The following TMEM9 variants were observed in gnomAD, a reference collection of about 807,000 sequenced individuals.
TMEM9 encodes the protein proton-transporting V-type ATPase complex assembly regulator TMEM9.
In TMEM9, 13 loss-of-function variants were observed where a neutral mutation model predicts 22.8. That is an observed-to-expected ratio of 0.57 (90% confidence interval 0.37 to 0.91). TMEM9 has a LOEUF of 0.91. TMEM9 is among the 40% of genes least tolerant of loss of function. The probability of loss-of-function intolerance (pLI) is 0.01; values close to 1 mark genes in which losing one functional copy is unlikely to be tolerated. For synonymous variants in TMEM9, 88 were observed against 93.0 expected, an observed-to-expected ratio of 0.95 and a Z score of 0.31; for missense variants, 182 against 238.1, an observed-to-expected ratio of 0.76 and a Z score of 1.55.
At chr1:201,171,170 T>C (rs1164372604) in intron 1 of TMEM9, among the ~76,000 whole-genome samples, 1 of 152,042 alleles carries the variant, frequency 6.6e-6, no homozygotes, top group Non-Finnish European at 1.5e-5. Context: ...CCTGGAAGGA[T>C]TGCGGGGGGC....
chr1:201,148,431 G>C (rs1380537090), intron 2 of TMEM9, among the ~76,000 whole-genome samples: 1 of 152,178 alleles, frequency 6.6e-6, no homozygotes, highest in African/African-American at 2.4e-5. Flanking sequence ...ACTACCAATG[G>C]AAAAATCCAA....
chr1:201,135,773 G>C lies in TMEM9; in HGVS notation c.442C>G (p.Pro148Ala). 6.2e-7 allele frequency: 1 copy of C among 1,612,776 alleles called. No individual in the cohort carries two copies. Among genetic ancestry groups the C allele is most frequent in the Non-Finnish European group, 8.5e-7 (1 of 1,179,442 alleles). ...CGCTCCAGGACTGTGTTTGCTCGGG[G>C]TCCCCCGAGGGATGCAGCAGCTGCT... ...MAAAAASLGG[P>A]RANTVLERVE... Residue 148 changes from proline (P) to alanine (A), a missense_variant, in exon 5 of 5, where the codon CCC becomes GCC. Transcript: ENST00000367330.
chr1:201,165,150 TTATATA>T (rs57281429), intron 1 of TMEM9, among the ~76,000 whole-genome samples: 1,058 of 87,074 alleles, frequency 0.012, 21 homozygotes, highest in African/African-American at 0.019. Flanking sequence ...TAAGAGAAAA[TTATATA>T]TATATATATA....
At chr1:201,146,600 T>C (rs1176611685) in intron 3 of TMEM9, 140 bp downstream of exon 3, 2 of 882,724 alleles carry the variant, frequency 2.3e-6, no homozygotes, top group African/African-American at 3.3e-5. Context: ...TCCCAGTGTC[T>C]GCACTAGGCC....
intron 1 of TMEM9, among the ~76,000 whole-genome samples, chr1:201,168,485 G>A (rs1192492454): frequency 6.6e-6 from 1 of 152,196 alleles, no homozygotes; most frequent in Non-Finnish European, 1.5e-5. Context: ...TTGGGAGGCT[G>A]ATACAGGTGG....
At chr1:201,146,584 TGTGGGTCCCA>T in intron 3 of TMEM9, 146 bp downstream of exon 3, 1 of 765,262 alleles carries the variant, frequency 1.3e-6, no homozygotes, top group South Asian at 1.4e-5. Flanking sequence ...AGGTGTGGGA[TGTGGGTCCCA>T]GTGTCTGCAC....
At chr1:201,144,319 A>G in intron 3 of TMEM9, 1 of 207,290 alleles carries the variant, frequency 4.8e-6, no homozygotes, top group South Asian at 8.9e-5. Flanking sequence ...GCAATCAGAA[A>G]CTAAGAGCAA....
intron 4 of TMEM9, among the ~76,000 whole-genome samples, chr1:201,140,985 A>C (rs1558106030): frequency 6.6e-6 from 1 of 152,154 alleles, no homozygotes; most frequent in Non-Finnish European, 1.5e-5. Flanking sequence ...GTCTCTGTAA[A>C]GACAAGCTCC....
Position 201,135,646 on chromosome 1 carries a change from C to T in TMEM9, c.*17G>A. 1.9e-6 allele frequency: 3 copies of T among 1,592,782 alleles called. No individual in the cohort carries two copies. The highest frequency in any genetic ancestry group is 1.7e-6 in the Non-Finnish European group (2 of 1,167,916). On this transcript the variant is annotated 3_prime_UTR_variant, in exon 5 of 5. Coordinates refer to ENST00000367330, the MANE Select transcript of TMEM9 (RefSeq NM_001288565.2). ...CAGCCATGGTGTTGGGGCCTTGACC[C>T]AACCACACCAGCCCATCTAGCTGAG... is the stretch of plus-strand genomic sequence containing the variant.
upstream of TMEM9, among the ~76,000 whole-genome samples, chr1:201,157,973 C>G (rs565008962): frequency 6.6e-6 from 1 of 152,308 alleles, no homozygotes; most frequent in East Asian, 1.9e-4. Flanking sequence ...TAAATTAAGG[C>G]CCTTGGTTGG....
rs535841719 is a variant in TMEM9 at position 201,154,275 on chromosome 1, C to T, written c.-352G>A. 7 of 217,718 alleles carry T rather than the reference C, an allele frequency of 3.2e-5. No individual in the cohort carries two copies. Among genetic ancestry groups the T allele is most frequent in the East Asian group, 1.3e-4 (1 of 7,974 alleles). 13.5% of individuals were successfully genotyped at this position (217,718 alleles called of 1,614,324 possible). On this transcript the variant is annotated 5_prime_UTR_variant, in exon 1 of 5. Coordinates refer to ENST00000367330, the MANE Select transcript of TMEM9 (RefSeq NM_001288565.2). ...CTCCGCCATCTCCGCCTCTGCCCGC[C>T]CCGCAGCTCCTCCCCGCTCGGGCCC...
intron 2 of TMEM9, among the ~76,000 whole-genome samples, chr1:201,151,097 C>G (rs1665393449): frequency 6.6e-6 from 1 of 152,186 alleles, no homozygotes; most frequent in African/African-American, 2.4e-5. Flanking sequence ...CATGTCCCAC[C>G]TCCCATAACA....
At chr1:201,150,140 C>T (rs1361818678) in intron 2 of TMEM9, among the ~76,000 whole-genome samples, 2 of 152,286 alleles carry the variant, frequency 1.3e-5, no homozygotes, top group African/African-American at 4.8e-5. Flanking sequence ...CAAGTGTCTG[C>T]CTGCATAAGG....
chr1:201,154,167 G>A lies in TMEM9; in HGVS notation c.-244C>T, dbSNP rs1170329580. On this transcript the variant is annotated 5_prime_UTR_variant, in exon 1 of 5. Transcript: ENST00000367330. ...AGCCACCTGGTGAGCCCGGCAGAGG[G>A]GTCCTCGAGGGGACACCGCTGCCAG... 2.6e-5 allele frequency: 13 copies of A among 498,100 alleles called. No individual in the cohort carries two copies. The highest frequency in any genetic ancestry group is 4.9e-5 in the South Asian group (2 of 41,078). 30.9% of individuals were successfully genotyped at this position (498,100 alleles called of 1,614,324 possible).
chr1:201,158,640 C>T (rs1190499706), upstream of TMEM9, among the ~76,000 whole-genome samples: 1 of 152,080 alleles, frequency 6.6e-6, no homozygotes, highest in Non-Finnish European at 1.5e-5. Context: ...GCTCGGGGCT[C>T]AGTGAGAGGG....
At chr1:201,144,268 G>A in intron 3 of TMEM9, 1 of 275,252 alleles carries the variant, frequency 3.6e-6, no homozygotes, top group Non-Finnish European at 7.1e-6. Flanking sequence ...GAACACAAGG[G>A]CCTCCCTGGC....
chr1:201,147,189 C>T (rs1665047737), intron 2 of TMEM9, among the ~76,000 whole-genome samples: 1 of 152,180 alleles, frequency 6.6e-6, no homozygotes, highest in African/African-American at 2.4e-5. Context: ...AAAGGTTCAA[C>T]TCAGAAGCTG....
At chr1:201,166,523 C>T (rs962214794) in intron 1 of TMEM9, among the ~76,000 whole-genome samples, 6 of 151,920 alleles carry the variant, frequency 3.9e-5, no homozygotes, top group Non-Finnish European at 7.4e-5. Flanking sequence ...CCACCATGCC[C>T]GGCTAATTTT....
chr1:201,154,018 C>CTGGG lies in TMEM9; in HGVS notation c.-96_-95insCCCA. 6.9e-7 allele frequency: 1 copy of CTGGG among 1,448,720 alleles called. No homozygotes were observed. The highest frequency in any genetic ancestry group is 9.3e-7 in the Non-Finnish European group (1 of 1,075,730). The allele number at this position is 1,448,720 out of a possible 1,614,324, so 89.7% of individuals were successfully genotyped here. A position where few individuals can be genotyped will look rare whatever the true frequency, so the allele number is the denominator to read the frequency against. ...AGGTGGCCACACCGCAGCCAGCACG[C>CTGGG]TAGGCCCTTAACCATCCGGCCAAGT... On this transcript the variant is annotated 5_prime_UTR_variant, in exon 1 of 5. It removes the in-frame stop codon of an upstream open reading frame in the 5' UTR. Transcript: ENST00000367330.
Sources: allele counts gnomAD v4.1 joint callset (sites outside exome capture counted in the v4.1 genomes callset), GRCh38; gene constraint gnomAD v4.1.1; transcripts MANE v1.5; gene names NCBI Gene and HGNC (gene_info 2026-07-23, HGNC 2026-07-21).